KLHL24: variants seen among roughly 807,000 people sequenced by gnomAD.
KLHL24 encodes the protein kelch-like protein 24.
KLHL24 carries 29 observed loss-of-function variants against 53.4 expected under a neutral mutation model. The observed-to-expected ratio is 0.54, with a 90% CI of 0.40 to 0.74. KLHL24 has a LOEUF of 0.74. KLHL24 is among the 30% of genes least tolerant of loss of function. The pLI, the probability that KLHL24 is intolerant of heterozygous loss-of-function variation, is 0.00. For missense variants in KLHL24, 504 were observed against 744.0 expected, an observed-to-expected ratio of 0.68 and a Z score of 3.75; for synonymous variants, 222 against 253.7, an observed-to-expected ratio of 0.88 and a Z score of 1.19.
chr3:183,640,856 T>C (rs1338926103), intron 1 of KLHL24, among the ~76,000 whole-genome samples: 3 of 152,082 alleles, frequency 2.0e-5, no homozygotes, highest in Non-Finnish European at 4.4e-5. Flanking sequence ...TGCCTCAGCC[T>C]CTCAAAGTGC....
At position 183,672,332 on chromosome 3, in the gene KLHL24, C is replaced by T. The variant is rs774486683; in HGVS notation, c.1450C>T (p.Leu484Phe). The part of the protein sequence containing the change: ...SYDPETNSWL[L>F]RAAIPIAKRC... ...TGATCCAGAAACCAATTCTTGGCTA[C>T]TTCGTGCAGCTATCCCAATTGCCAA... is the stretch of plus-strand genomic sequence containing the variant. The change falls in exon 7 of 8, where the codon CTT (leucine) becomes TTT (phenylalanine). Residue 484 changes from leucine (L) to phenylalanine (F), a missense_variant. Physicochemically the swap from Leu to Phe is conservative, Grantham distance 22. Transcript: ENST00000242810. The T allele has an allele frequency of 9.3e-6, 15 of 1,606,548 alleles. No homozygotes were observed. The highest frequency in any genetic ancestry group is 1.2e-5 in the Non-Finnish European group (14 of 1,175,974).
rs1367807649 is a variant in KLHL24 at position 183,651,148 on chromosome 3, C to T, written c.792C>T (p.Tyr264=). 3 of 1,613,982 alleles carry T rather than the reference C, an allele frequency of 1.9e-6. No homozygotes were observed. The highest frequency in any genetic ancestry group is 2.7e-5 in the African/African-American group (2 of 74,922). The change falls in exon 3 of 8, where the codon TAC becomes TAT. Residue 264 remains tyrosine, a synonymous_variant. Coordinates refer to ENST00000242810, the MANE Select transcript of KLHL24 (RefSeq NM_017644.3). The part of the protein sequence containing the change: ...HVRLPLLHPN[Y]FVQTVEVDQL... Reference sequence around the variant, plus strand: ...GACTCCCTCTGTTGCATCCCAACTACTTTGTTCAAACAGTTGAAGTGGACC... The same window carrying T: ...GACTCCCTCTGTTGCATCCCAACTATTTTGTTCAAACAGTTGAAGTGGACC...
At chr3:183,669,970 G>C (rs565665238) in intron 5 of KLHL24, among the ~76,000 whole-genome samples, 1 of 152,192 alleles carries the variant, frequency 6.6e-6, no homozygotes, top group South Asian at 2.1e-4. Context: ...TGAGCTGGGC[G>C]TGATGGCTCA....
intron 3 of KLHL24, 88 bp downstream of exon 3, chr3:183,651,364 A>G: frequency 1.2e-6 from 1 of 852,516 alleles, no homozygotes; most frequent in Admixed American, 2.6e-5. Context: ...TGTCATTTAT[A>G]TGCACTGTCT....
intron 5 of KLHL24, among the ~76,000 whole-genome samples, chr3:183,670,569 C>A (rs1239128070): frequency 6.6e-6 from 1 of 152,102 alleles, no homozygotes; most frequent in African/African-American, 2.4e-5. Context: ...GTAATTCTTT[C>A]CTAATATTTT....
chr3:183,674,540 T>C (rs1711529005), intron 7 of KLHL24, among the ~76,000 whole-genome samples: 1 of 151,974 alleles, frequency 6.6e-6, no homozygotes, highest in South Asian at 2.1e-4. Context: ...TTTTGTACTT[T>C]TAGTAGAAAC....
chr3:183,672,565 C>T (rs1484827990), intron 7 of KLHL24, 81 bp downstream of exon 7: 2 of 1,043,934 alleles, frequency 1.9e-6, no homozygotes, highest in Non-Finnish European at 1.3e-6. Flanking sequence ...ACTGGAATTT[C>T]AATTTTAAAA....
intron 7 of KLHL24, among the ~76,000 whole-genome samples, chr3:183,673,541 GCTCAC>G (rs370759018): frequency 5.1e-4 from 77 of 152,210 alleles, no homozygotes; most frequent in African/African-American, 1.7e-3. Context: ...AAATGGCTGT[GCTCAC>G]CTTTCTTTCA....
At chr3:183,658,491 T>G (rs1472913955) in intron 3 of KLHL24, among the ~76,000 whole-genome samples, 1 of 152,208 alleles carries the variant, frequency 6.6e-6, no homozygotes, top group Non-Finnish European at 1.5e-5. Context: ...TTAGGTTGCT[T>G]CTAATTCATT....
intron 3 of KLHL24, among the ~76,000 whole-genome samples, chr3:183,662,193 A>G (rs547427385): frequency 1.3e-5 from 2 of 152,262 alleles, no homozygotes; most frequent in African/African-American, 2.4e-5. Context: ...CTTTTCTCCC[A>G]TATTTATTTC....
chr3:183,649,103 T>C (rs565618988), intron 2 of KLHL24, among the ~76,000 whole-genome samples: 46 of 152,334 alleles, frequency 3.0e-4, no homozygotes, highest in African/African-American at 1.1e-3. Flanking sequence ...GGTTTTGGGA[T>C]GTTTCTTATT....
At chr3:183,640,600 CTTTTTTTTTTTTTT>C (rs761361160) in intron 1 of KLHL24, among the ~76,000 whole-genome samples, 1 of 61,668 alleles carries the variant, frequency 1.6e-5, no homozygotes, top group African/African-American at 9.3e-5. Context: ...TTTCTTTTTT[CTTTTTTTTTTTTTT>C]TTTGAGACAG....
intron 3 of KLHL24, among the ~76,000 whole-genome samples, chr3:183,659,209 C>A (rs112591111): frequency 6.6e-6 from 1 of 151,972 alleles, no homozygotes; most frequent in African/African-American, 2.4e-5. Flanking sequence ...ACAAACTCAC[C>A]AGCTCAAGCA....
Position 183,683,962 on chromosome 3 carries a change from TTTTTTG to T in KLHL24, c.*4682_*4687del, listed in dbSNP as rs1712942593. On this transcript the variant is annotated 3_prime_UTR_variant, in exon 8 of 8. Transcript: ENST00000242810. ...GTTGGATGTTTGGAGTTTCATTATA[TTTTTTG>T]TTTTTATTTTTTGATACCTAGGTGC... 1 of 152,640 alleles carries T rather than the reference TTTTTTG, an allele frequency of 6.6e-6. No individual in the cohort carries two copies. The highest frequency in any genetic ancestry group is 2.4e-5 in the African/African-American group (1 of 41,458). 9.5% of individuals were successfully genotyped at this position (152,640 alleles called of 1,614,324 possible).
At chr3:183,659,917 G>A (rs1719469730) in intron 3 of KLHL24, among the ~76,000 whole-genome samples, 1 of 152,144 alleles carries the variant, frequency 6.6e-6, no homozygotes, top group African/African-American at 2.4e-5. Flanking sequence ...TCCTGTGCTA[G>A]GTTGAGCAGA....
chr3:183,642,602 CAAAAAAAA>C (rs377410456), intron 1 of KLHL24, among the ~76,000 whole-genome samples: 6 of 92,982 alleles, frequency 6.5e-5, no homozygotes, highest in East Asian at 2.6e-4. Context: ...CCCCTTCCAC[CAAAAAAAA>C]AAAAAAAAAA....
chr3:183,654,848 G>C (rs1718626697), intron 3 of KLHL24, among the ~76,000 whole-genome samples: 1 of 152,206 alleles, frequency 6.6e-6, no homozygotes, highest in Non-Finnish European at 1.5e-5. Context: ...CTGGAAACTG[G>C]AAGTTGGTTC....
chr3:183,659,966 GT>G (rs961037289), intron 3 of KLHL24, among the ~76,000 whole-genome samples: 2 of 150,956 alleles, frequency 1.3e-5, no homozygotes, highest in Admixed American at 6.6e-5. Flanking sequence ...TGGTGGTGGT[GT>G]TTTTTTTTCT....
chr3:183,648,903 T>A (rs1717711568), intron 2 of KLHL24, among the ~76,000 whole-genome samples: 1 of 151,946 alleles, frequency 6.6e-6, no homozygotes, highest in South Asian at 2.1e-4. Flanking sequence ...CTCGGGAGGC[T>A]GAGGTAGCAG....
Sources: allele counts gnomAD v4.1 joint callset (sites outside exome capture counted in the v4.1 genomes callset), GRCh38; gene constraint gnomAD v4.1.1; transcripts MANE v1.5; gene names NCBI Gene and HGNC (gene_info 2026-07-23, HGNC 2026-07-21).